The following PRG4 variants were observed in gnomAD, a reference collection of about 807,000 sequenced individuals.
PRG4 encodes proteoglycan 4.
PRG4 carries 61 observed loss-of-function variants against 91.2 expected under a neutral mutation model. The observed-to-expected ratio is 0.67, with a 90% confidence interval of 0.54 to 0.83. The LOEUF (loss-of-function observed/expected upper bound fraction) is 0.83. Among genes scored for constraint, PRG4 ranks in the 40% least tolerant of loss-of-function variants. The probability of loss-of-function intolerance (pLI) is 0.00; values close to 1 mark genes in which losing one functional copy is unlikely to be tolerated. For synonymous variants in PRG4, 576 were observed against 614.2 expected, an observed-to-expected ratio of 0.94 and a Z score of 0.92; for missense variants, 1,564 against 1,714.2, an observed-to-expected ratio of 0.91 and a Z score of 1.55.
rs1287962269 is a variant in PRG4 at position 186,308,284 on chromosome 1, A to G, written c.2565A>G (p.Ser855=). 1.2e-6 allele frequency: 2 copies of G among 1,613,804 alleles called. No individual in the cohort carries two copies. Among genetic ancestry groups the G allele is most frequent in the South Asian group, 2.2e-5 (2 of 91,040 alleles). The stretch of plus-strand genomic sequence containing the variant: ...CTGAGACACCTCCTCCAACCACTTC[A>G]GAGGTCTCTACTCCAACTACCACCA... The part of the protein sequence containing the change: ...TTPETPPPTT[S]EVSTPTTTKE... The change falls in exon 7 of 13, where the codon TCA becomes TCG. Residue 855 remains serine (S), a synonymous_variant. Coordinates refer to ENST00000445192, the MANE Select transcript of PRG4 (RefSeq NM_005807.6).
intron 3 of PRG4, 146 bp downstream of exon 3, chr1:186,300,359 C>A: frequency 9.3e-7 from 1 of 1,071,672 alleles, no homozygotes; most frequent in Non-Finnish European, 1.4e-6. Flanking sequence ...ACTTCCTTTG[C>A]TTAAGTGACT....
chr1:186,297,714 A>G (rs949482147), intron 2 of PRG4, among the ~76,000 whole-genome samples: 5 of 152,152 alleles, frequency 3.3e-5, no homozygotes, highest in South Asian at 2.1e-4. Context: ...TTCCCCTTTG[A>G]TAAGCAAAAT....
chr1:186,310,135 TG>T (rs33985418), intron 8 of PRG4, among the ~76,000 whole-genome samples: 15,333 of 86,304 alleles, frequency 0.18, 1,467 homozygotes, highest in East Asian at 0.37. Context: ...TCATTTTTTT[TG>T]GGGGGGGGGG....
chr1:186,302,237 T>A (rs1360162047), intron 4 of PRG4, among the ~76,000 whole-genome samples: 1 of 152,204 alleles, frequency 6.6e-6, no homozygotes, highest in Non-Finnish European at 1.5e-5. Context: ...ACTGTCATGT[T>A]CCTTCCCATT....
chr1:186,300,854 T>C (rs1656171238), intron 3 of PRG4, among the ~76,000 whole-genome samples: 1 of 152,234 alleles, frequency 6.6e-6, no homozygotes, highest in South Asian at 2.1e-4. Flanking sequence ...TTAAGAAAAT[T>C]GTAATTAAAG....
chr1:186,308,641 T>C lies in PRG4; in HGVS notation c.2922T>C (p.Thr974=). ...AAGATACCACACCATTCAAAATTAC[T>C]ACTCTTAAAACAACTACTCTTGCAC... The part of the protein sequence containing the change: ...TTQDTTPFKI[T]TLKTTTLAPK... The change falls in exon 7 of 13, where the codon ACT becomes ACC. Residue 974 remains threonine, a synonymous_variant. Coordinates refer to ENST00000445192, the MANE Select transcript of PRG4 (RefSeq NM_005807.6). 7 of 1,612,400 alleles carry C rather than the reference T, an allele frequency of 4.3e-6. No individual in the cohort carries two copies. The highest frequency in any genetic ancestry group is 5.9e-6 in the Non-Finnish European group (7 of 1,179,688).
In PRG4 at chr1:186,311,494, C is replaced by G. The variant is rs1168702833; in HGVS notation, c.3691C>G (p.Pro1231Ala). The change falls in exon 10 of 13, where the codon CCA (proline) becomes GCA (alanine). Residue 1231 changes from proline to alanine, a missense_variant. Pro to Ala is a conservative substitution (Grantham distance 27). This residue lies in a region of PRG4 where 1,079 missense variants were observed against 1,162.2 expected (regional missense o/e 0.93). Transcript: ENST00000445192. ...TATAAAAGATGCAGGGTACCCCAAA[C>G]CAATTTTCAAAGGATTTGGAGGACT... is the stretch of plus-strand genomic sequence containing the variant. ...NDIKDAGYPK[P>A]IFKGFGGLTG... 3.1e-6 allele frequency: 5 copies of G among 1,613,708 alleles called. No homozygotes were observed. Among genetic ancestry groups the G allele is most frequent in the Non-Finnish European group, 4.2e-6 (5 of 1,179,664 alleles).
chr1:186,298,750 G>T (rs1314099052), intron 2 of PRG4, among the ~76,000 whole-genome samples: 1 of 152,134 alleles, frequency 6.6e-6, no homozygotes, highest in African/African-American at 2.4e-5. Context: ...GCCTCCCAAA[G>T]TGCTGGAATT....
In PRG4 at chr1:186,308,281, T is replaced by A; in HGVS notation, c.2562T>A (p.Thr854=). The change falls in exon 7 of 13, where the codon ACT becomes ACA. Residue 854 remains threonine (T), a synonymous_variant. Coordinates refer to ENST00000445192, the MANE Select transcript of PRG4 (RefSeq NM_005807.6). ...CTCCTGAGACACCTCCTCCAACCAC[T>A]TCAGAGGTCTCTACTCCAACTACCA... ...PTTPETPPPT[T]SEVSTPTTTK... 2 of 1,613,290 alleles carry A rather than the reference T, an allele frequency of 1.2e-6. No homozygotes were observed. Among genetic ancestry groups the A allele is most frequent in the Non-Finnish European group, 1.7e-6 (2 of 1,179,776 alleles).
Position 186,304,188 on chromosome 1 carries a change from A to G in PRG4, c.400A>G (p.Lys134Glu), listed in dbSNP as rs779397553. 9 of 1,613,866 alleles carry G rather than the reference A, an allele frequency of 5.6e-6. No individual in the cohort carries two copies. The highest frequency in any genetic ancestry group is 7.6e-6 in the Non-Finnish European group (9 of 1,179,738). ...GASQTIKSTT[K>E]RSPKPPNKKK... is the part of the protein sequence containing the mutation. ...ATCTCAAACCATCAAATCAACAACCAAACGTTCACCCAAACCACCAAACAA... is the reference window on the plus strand; with the variant it reads ...ATCTCAAACCATCAAATCAACAACCGAACGTTCACCCAAACCACCAAACAA... Residue 134 changes from lysine to glutamate, a missense_variant, in exon 5 of 13, where the codon AAA (lysine) becomes GAA (glutamate). Around this residue, in one of 3 missense-constraint regions of PRG4, gnomAD observed 437 missense variants for 459.0 expected, o/e 0.95. Transcript: ENST00000445192.
chr1:186,305,138 G>A (rs1656474722), intron 6 of PRG4, among the ~76,000 whole-genome samples: 1 of 152,212 alleles, frequency 6.6e-6, no homozygotes, highest in Non-Finnish European at 1.5e-5. Flanking sequence ...ATAAGAAGAT[G>A]CTGTAGCAGG....
At chr1:186,301,056 G>C (rs1656183714) in intron 3 of PRG4, among the ~76,000 whole-genome samples, 1 of 152,040 alleles carries the variant, frequency 6.6e-6, no homozygotes, top group African/African-American at 2.4e-5. Flanking sequence ...GTAAGATTAG[G>C]CTGAAAGCTT....
In PRG4 at chr1:186,307,460, C is replaced by G; in HGVS notation, c.1741C>G (p.Pro581Ala). ...TTPKKPAPTT[P>A]KEPAPTTPKE... ...CCCCAAGAAGCCTGCCCCAACTACC[C>G]CCAAGGAGCCTGCACCCACCACTCC... is the stretch of plus-strand genomic sequence containing the variant. The change falls in exon 7 of 13, where the codon CCC (proline) becomes GCC (alanine). Residue 581 changes from proline to alanine, a missense_variant. Coordinates refer to ENST00000445192, the MANE Select transcript of PRG4 (RefSeq NM_005807.6). 1 of 1,570,196 alleles carries G rather than the reference C, an allele frequency of 6.4e-7. No homozygotes were observed. The highest frequency in any genetic ancestry group is 8.6e-7 in the Non-Finnish European group (1 of 1,158,726).
In PRG4 at chr1:186,308,223, C is replaced by A. The variant is rs754513520; in HGVS notation, c.2504C>A (p.Ala835Glu). 6.2e-7 allele frequency: 1 copy of A among 1,613,996 alleles called. No individual in the cohort carries two copies. Among genetic ancestry groups the A allele is most frequent in the East Asian group, 2.2e-5 (1 of 44,876 alleles). The change falls in exon 7 of 13, where the codon GCA becomes GAA. Residue 835 changes from alanine (A) to glutamate (E), a missense_variant. By Grantham distance (107) the Ala-to-Glu change is moderately radical. Coordinates refer to ENST00000445192, the MANE Select transcript of PRG4 (RefSeq NM_005807.6). ...GCTCCAACTACCCCCAAGGAGCCTG[C>A]ACCCACTACCCCCAAGAAGCCTGCT... is the stretch of plus-strand genomic sequence containing the variant. ...ETAPTTPKEP[A>E]PTTPKKPAPT...
intron 2 of PRG4, among the ~76,000 whole-genome samples, chr1:186,299,036 AG>A: frequency 6.6e-6 from 1 of 152,266 alleles, no homozygotes; most frequent in African/African-American, 2.4e-5. Flanking sequence ...ATTTGTTTTC[AG>A]TGTGTTTCAA....
At chr1:186,310,134 TTGG>T (rs1226678066) in intron 8 of PRG4, among the ~76,000 whole-genome samples, 4 of 64,634 alleles carry the variant, frequency 6.2e-5, no homozygotes, top group South Asian at 7.6e-4. Context: ...TTCATTTTTT[TTGG>T]GGGGGGGGGG....
chr1:186,309,600 T>C (rs1657024022), intron 7 of PRG4, among the ~76,000 whole-genome samples, 193 bp from the exon 8 acceptor site: 1 of 152,220 alleles, frequency 6.6e-6, no homozygotes. Context: ...TTTCATATAA[T>C]ACTTTTGAAG....
rs1657196741 is a variant in PRG4 at position 186,311,213 on chromosome 1, T to C, written c.3636+43T>C. Reference sequence around the variant, plus strand: ...GTGAGAGAAATTTAATAATAATTTGTAACTGCATTATTTATTACAACATAT... The same window carrying C: ...GTGAGAGAAATTTAATAATAATTTGCAACTGCATTATTTATTACAACATAT... On this transcript the variant is annotated intron_variant, in intron 9 of 12. Coordinates refer to ENST00000445192, the MANE Select transcript of PRG4 (RefSeq NM_005807.6). The C allele has an allele frequency of 2.6e-6, 4 of 1,567,704 alleles. No homozygotes were observed. The African/African-American group carries it at 5.4e-5, about 21-fold the overall frequency.
chr1:186,296,413 C>T (rs1184066212), intron 1 of PRG4, 120 bp downstream of exon 1: 1 of 159,234 alleles, frequency 6.3e-6, no homozygotes, highest in Non-Finnish European at 1.4e-5. Context: ...TTATGCAATA[C>T]ACCTGTTGGA....
Sources: gnomAD v4.1 joint callset for allele counts (sites outside exome capture counted in the v4.1 genomes callset) on GRCh38, gnomAD v4.1.1 for gene constraint, gnomAD v4.1.1 regional missense constraint, MANE v1.5 for transcripts, NCBI Gene and HGNC (gene_info 2026-07-23, HGNC 2026-07-21) for gene names.